Variants in KCNAB3 observed in about 807,000 individuals in gnomAD.
The protein encoded by KCNAB3 is voltage-gated potassium channel subunit beta-3.
Under a neutral mutation model 67.7 loss-of-function variants are expected in KCNAB3, and 62 were observed. That is an observed-to-expected ratio of 0.92 (90% CI 0.75 to 1.13). The LOEUF (loss-of-function observed/expected upper bound fraction) is 1.13, where lower values mean the gene tolerates loss of function less well. Ranked by LOEUF, KCNAB3 falls within the 50% of genes most tolerant of loss-of-function variation. The pLI, the probability that KCNAB3 is intolerant of heterozygous loss-of-function variation, is 0.00. For missense variants in KCNAB3, 514 were observed against 522.9 expected (o/e 0.98, Z 0.17); for synonymous variants, 212 against 205.4 (o/e 1.03, Z -0.27).
At chr17:7,924,665 A>T in intron 8 of KCNAB3, 165 bp from the exon 9 acceptor site, 2 of 1,383,212 alleles carry the variant, frequency 1.4e-6, no homozygotes. Flanking sequence ...CTGGAGTCTC[A>T]GCCTCCACTG....
rs1233866239 is a variant in KCNAB3 at position 7,923,724 on chromosome 17, G to A, written c.1035C>T (p.Ala345=). The change falls in exon 12 of 14, where the codon GCC becomes GCT. Residue 345 remains alanine (A), a synonymous_variant. Transcript: ENST00000303790. ...PVAHQLGCTV[A]QLAIAWCLRS... is the part of the protein sequence containing the mutation. The stretch of plus-strand genomic sequence containing the variant: ...GCAATGTCTCACCAATAGCAAGCTG[G>A]GCCACGGTGCAGCCCAGCTGGTGAG... 1.3e-6 allele frequency: 2 copies of A among 1,562,832 alleles called. No individual in the cohort carries two copies.
chr17:7,929,822 TGGGCTCCCAGCC>T lies in KCNAB3; in HGVS notation c.-399_-388del. On this transcript the variant is annotated 5_prime_UTR_variant, in exon 1 of 14. Transcript: ENST00000303790. This position sits in a 1 kb window ranked among gnomAD's most constrained non-coding sequence, Gnocchi z 5.7. ...CAGCGCGAACCGCTGCGGGACCCGC[TGGGCTCCCAGCC>T]GCGTCGGCAGCGGGCCCAGCTCATC... The T allele has an allele frequency of 9.4e-7, 1 of 1,066,416 alleles. No individual in the cohort carries two copies. The allele number at this position is 1,066,416 out of a possible 1,614,324, so 66.1% of individuals were successfully genotyped here.
At chr17:7,925,806 A>T in intron 6 of KCNAB3, 80 bp from the exon 7 acceptor site, 1 of 1,599,170 alleles carries the variant, frequency 6.3e-7, no homozygotes. Context: ...AGGAAATGGG[A>T]TTGCACGAGT....
chr17:7,929,789 T>C lies in KCNAB3; in HGVS notation c.-354A>G. 1 of 1,130,644 alleles carries C rather than the reference T, an allele frequency of 8.8e-7. No homozygotes were observed. Among genetic ancestry groups the C allele is most frequent in the Non-Finnish European group, 1.1e-6 (1 of 917,790 alleles). The allele number at this position is 1,130,644 out of a possible 1,614,324, so 70.0% of individuals were successfully genotyped here. A position where few individuals can be genotyped will look rare whatever the true frequency, so the allele number is the denominator to read the frequency against. ...AGGGGGAAGCGGGGCGGGAGAGAGA[T>C]GCCACTTCAGCGCGAACCGCTGCGG... is the stretch of plus-strand genomic sequence containing the variant. On this transcript the variant is annotated 5_prime_UTR_variant, in exon 1 of 14. Transcript: ENST00000303790. The surrounding 1 kb of genome is among the most constrained non-coding windows in gnomAD (Gnocchi z 5.7).
chr17:7,923,523 C>G lies in KCNAB3; in HGVS notation c.1070G>C (p.Gly357Ala). Reference sequence around the variant, plus strand: ...CACCCCCAGCAAGACAGAGCTGACACCCTCACTGCGGAGACACCACGCTGG... The same window carrying G: ...CACCCCCAGCAAGACAGAGCTGACAGCCTCACTGCGGAGACACCACGCTGG... Reference protein sequence around the residue: ...LAIAWCLRSEGVSSVLLGVSS... With the variant: ...LAIAWCLRSEAVSSVLLGVSS... The change falls in exon 13 of 14, where the codon GGT becomes GCT. Residue 357 changes from glycine (G) to alanine (A), a missense_variant. Transcript: ENST00000303790. The G allele has an allele frequency of 6.2e-7, 1 of 1,611,748 alleles. No individual in the cohort carries two copies. Among genetic ancestry groups the G allele is most frequent in the Non-Finnish European group, 8.5e-7 (1 of 1,179,022 alleles).
chr17:7,924,277 T>A lies in KCNAB3; in HGVS notation c.712-12A>T, dbSNP rs756440646. ...ATGGAGTAGGCCTCCTGGGTTGGGG[T>A]TGGGGAAAAGAAAGTGGTCAGAGCA... On this transcript the variant is annotated splice_polypyrimidine_tract_variant and intron_variant, in intron 9 of 13. Coordinates refer to ENST00000303790, the MANE Select transcript of KCNAB3 (RefSeq NM_004732.4). 5.6e-6 allele frequency: 9 copies of A among 1,613,908 alleles called. No homozygotes were observed.
chr17:7,928,673 G>A (rs1286596289), intron 1 of KCNAB3, among the ~76,000 whole-genome samples: 1 of 152,182 alleles, frequency 6.6e-6, no homozygotes, highest in Non-Finnish European at 1.5e-5. Flanking sequence ...CCCAGACCCT[G>A]TCCCTCAGCA....
In KCNAB3 at chr17:7,929,607, T is replaced by G; in HGVS notation, c.-172A>C. 1 of 1,421,044 alleles carries G rather than the reference T, an allele frequency of 7.0e-7. No individual in the cohort carries two copies. The highest frequency in any genetic ancestry group is 9.1e-7 in the Non-Finnish European group (1 of 1,096,228). The allele number at this position is 1,421,044 out of a possible 1,614,324, so 88.0% of individuals were successfully genotyped here. On this transcript the variant is annotated 5_prime_UTR_variant, in exon 1 of 14. Transcript: ENST00000303790. The surrounding 1 kb of genome is among the most constrained non-coding windows in gnomAD (Gnocchi z 5.7). Reference sequence around the variant, plus strand: ...GATCGGGCCCGCGGGGGCGGGCTGCTGGAGGTCGCGAGGTTTGCGGCGGGA... The same window carrying G: ...GATCGGGCCCGCGGGGGCGGGCTGCGGGAGGTCGCGAGGTTTGCGGCGGGA...
intron 4 of KCNAB3, among the ~76,000 whole-genome samples, chr17:7,926,962 G>C (rs78790828): frequency 6.6e-6 from 1 of 152,068 alleles, no homozygotes; most frequent in Non-Finnish European, 1.5e-5. Flanking sequence ...GCGGACACTC[G>C]GGTCAAGTCT....
At chr17:7,927,486 T>G in intron 3 of KCNAB3, 63 bp from the exon 4 acceptor site, 1 of 1,550,964 alleles carries the variant, frequency 6.4e-7, no homozygotes, top group South Asian at 1.1e-5. Flanking sequence ...CACTGTACTC[T>G]AACCCATCAC....
At chr17:7,923,915 C>G in intron 11 of KCNAB3, 53 bp downstream of exon 11, 2 of 1,574,608 alleles carry the variant, frequency 1.3e-6, no homozygotes, top group Non-Finnish European at 1.7e-6. Flanking sequence ...CGTAACTCCC[C>G]CCAAAGCAGC....
Position 7,922,985 on chromosome 17 carries a change from GGGCTAGTCTGGCTCC to G in KCNAB3, c.*102_*116del. 2 of 912,432 alleles carry G rather than the reference GGGCTAGTCTGGCTCC, an allele frequency of 2.2e-6. No homozygotes were observed. Among genetic ancestry groups the G allele is most frequent in the East Asian group, 4.8e-5 (2 of 41,278 alleles). 56.5% of individuals were successfully genotyped at this position (912,432 alleles called of 1,614,324 possible). ...CGAAGCCGGGACTCGTTGGTGGGCGGGGCTAGTCTGGCTCCGGCCGCTGCGTGGAGGGATCCGGAG... is the reference window on the plus strand; with the variant it reads ...CGAAGCCGGGACTCGTTGGTGGGCGGGGCCGCTGCGTGGAGGGATCCGGAG... On this transcript the variant is annotated 3_prime_UTR_variant, in exon 14 of 14. Transcript: ENST00000303790.
chr17:7,927,039 C>T (rs1014896840), intron 4 of KCNAB3: 2 of 351,380 alleles, frequency 5.7e-6, no homozygotes, highest in African/African-American at 4.2e-5. Flanking sequence ...GTTTTCCCTG[C>T]TCCTAGTGTG....
chr17:7,922,877 A>G lies in KCNAB3; in HGVS notation c.*225T>C, dbSNP rs867042661. 3 of 581,440 alleles carry G rather than the reference A, an allele frequency of 5.2e-6. No individual in the cohort carries two copies. The highest frequency in any genetic ancestry group is 3.7e-5 in the African/African-American group (2 of 53,460). The allele number at this position is 581,440 out of a possible 1,614,324, so 36.0% of individuals were successfully genotyped here. A position where few individuals can be genotyped will look rare whatever the true frequency, so the allele number is the denominator to read the frequency against. On this transcript the variant is annotated 3_prime_UTR_variant, in exon 14 of 14. Transcript: ENST00000303790. ...CGGGATTTGCAAGAAGGGCCTAGAA[A>G]GACGCAGCAGGGGGCGGGCGTGCTA...
In KCNAB3 at chr17:7,927,681, T is replaced by G; in HGVS notation, c.300A>C (p.Thr100=). The G allele has an allele frequency of 1.2e-6, 2 of 1,614,132 alleles. No homozygotes were observed. The highest frequency in any genetic ancestry group is 1.7e-6 in the Non-Finnish European group (2 of 1,180,010). ...CCTCATCTGAGATCTGAGAACCAAA[T>G]GTGACCCAGGTACCTGCAAGAGAGA... ...VSCLGLGTWV[T]FGSQISDETA... is the part of the protein sequence containing the mutation. Residue 100 remains threonine (T), a synonymous_variant, in exon 3 of 14, where the codon ACA becomes ACC. Transcript: ENST00000303790.
Position 7,923,456 on chromosome 17 carries a change from C to T in KCNAB3, c.1137G>A (p.Gln379=). 1.9e-6 allele frequency: 3 copies of T among 1,608,614 alleles called. No homozygotes were observed. Among genetic ancestry groups the T allele is most frequent in the Non-Finnish European group, 2.5e-6 (3 of 1,177,714 alleles). Residue 379 remains glutamine (Q), a splice_region_variant and synonymous_variant, in exon 13 of 14, where the codon CAG becomes CAA. Transcript: ENST00000303790. The part of the protein sequence containing the change: ...EQLIEHLGAL[Q]VLSQLTPQTV... ...CTCTGCCTCTGAGTCCCCGGCTCAC[C>T]TGTAGCGCGCCCAGGTGTTCTATCA...
Position 7,929,651 on chromosome 17 carries a change from C to A in KCNAB3, c.-216G>T. ...GGCGGGAGGGAAGAAACGTGGGGGG[C>A]GCCAGGAGTGGAGATATTCAGTTAC... is the stretch of plus-strand genomic sequence containing the variant. On this transcript the variant is annotated 5_prime_UTR_variant, in exon 1 of 14. Coordinates refer to ENST00000303790, the MANE Select transcript of KCNAB3 (RefSeq NM_004732.4). The surrounding 1 kb of genome is among the most constrained non-coding windows in gnomAD (Gnocchi z 5.7). The A allele has an allele frequency of 2.9e-6, 4 of 1,402,170 alleles. No individual in the cohort carries two copies. In the East Asian group the frequency reaches 8.3e-5, roughly 29 times the overall value. The allele number at this position is 1,402,170 out of a possible 1,614,324, so 86.9% of individuals were successfully genotyped here. A position where few individuals can be genotyped will look rare whatever the true frequency, so the allele number is the denominator to read the frequency against.
At position 7,922,678 on chromosome 17, in the gene KCNAB3, C is replaced by T. The variant is rs143867302; in HGVS notation, c.*424G>A. 2 of 192,512 alleles carry T rather than the reference C, an allele frequency of 1.0e-5. No individual in the cohort carries two copies. Among genetic ancestry groups the T allele is most frequent in the East Asian group, 1.2e-4 (1 of 8,144 alleles). 11.9% of individuals were successfully genotyped at this position (192,512 alleles called of 1,614,324 possible). A position where few individuals can be genotyped will look rare whatever the true frequency, so the allele number is the denominator to read the frequency against. ...GTTCCAGATGACATCACAACTCACT[C>T]ACTAGGTTATTACCCTTTGATGACA... On this transcript the variant is annotated 3_prime_UTR_variant, in exon 14 of 14. Coordinates refer to ENST00000303790, the MANE Select transcript of KCNAB3 (RefSeq NM_004732.4).
chr17:7,927,562 C>T, intron 3 of KCNAB3, 95 bp downstream of exon 3: 1 of 1,548,810 alleles, frequency 6.5e-7, no homozygotes, highest in Non-Finnish European at 8.9e-7. Flanking sequence ...CCCTCATTCC[C>T]TGTGCTTGTT....
Sources: gnomAD v4.1 joint callset for allele counts (sites outside exome capture counted in the v4.1 genomes callset) on GRCh38, gnomAD v4.1.1 for gene constraint, Gnocchi (gnomAD v3.1) non-coding constraint, MANE v1.5 for transcripts, NCBI Gene and HGNC (gene_info 2026-07-23, HGNC 2026-07-21) for gene names.